The following ZNF808 variants were observed in gnomAD, a reference collection of about 807,000 sequenced individuals.
ZNF808 encodes the protein zinc finger protein 808.
In ZNF808, 5 loss-of-function variants were observed where a neutral mutation model predicts 8.7. The ratio of observed to expected loss-of-function variants is 0.58; its 90% CI spans 0.30 to 1.21. ZNF808 has a LOEUF of 1.21. Ranked by LOEUF, ZNF808 falls within the 50% of genes most tolerant of loss-of-function variation. The pLI is 0.07. For synonymous variants in ZNF808, 380 were observed against 366.0 expected, an observed-to-expected ratio of 1.04 and a Z score of -0.44; for missense variants, 1,103 against 1,098.4, an observed-to-expected ratio of 1.00 and a Z score of -0.06.
intron 3 of ZNF808, among the ~76,000 whole-genome samples, chr19:52,544,622 T>G (rs551692050): frequency 6.6e-6 from 1 of 152,240 alleles, no homozygotes; most frequent in African/African-American, 2.4e-5. Flanking sequence ...CACCACCATG[T>G]CAGGCCTTAT....
chr19:52,561,194 CTCTCTCTCTCTCTCTCTCTATA>C (rs1302077864), downstream of ZNF808, among the ~76,000 whole-genome samples: 7,370 of 68,658 alleles, frequency 0.11, 400 homozygotes, highest in Admixed American at 0.15. Context: ...CTCTCTCTCT[CTCTCTCTCTCTCTCTCTCTATA>C]TATATATATA....
At chr19:52,535,397 C>T (rs1431297931) in intron 2 of ZNF808, among the ~76,000 whole-genome samples, 1 of 151,480 alleles carries the variant, frequency 6.6e-6, no homozygotes, top group Non-Finnish European at 1.5e-5. Context: ...AGGGAGGGAG[C>T]CCTGCGGGAG....
intron 2 of ZNF808, among the ~76,000 whole-genome samples, chr19:52,533,636 C>A (rs1397864223): frequency 6.6e-6 from 1 of 151,662 alleles, no homozygotes; most frequent in Admixed American, 6.6e-5. Flanking sequence ...GCGGGTCAAT[C>A]CCGAGGTCAG....
In ZNF808 at chr19:52,555,072, G is replaced by C. The variant is rs1161025804; in HGVS notation, c.2156G>C (p.Arg719Thr). The C allele has an allele frequency of 6.2e-7, 1 of 1,613,622 alleles. No individual in the cohort carries two copies. The highest frequency in any genetic ancestry group is 2.2e-5 in the East Asian group (1 of 44,868). The change falls in exon 5 of 5, where the codon AGG (arginine) becomes ACG (threonine). Residue 719 changes from arginine to threonine, a missense_variant. Arg to Thr is a moderately conservative substitution (Grantham distance 71). Transcript: ENST00000359798. ...CNECSKTFSN[R>T]SSLVCHRRIH... Reference sequence around the variant, plus strand: ...GAGTGCAGCAAGACCTTCAGTAACAGGTCATCCCTTGTATGCCATCGTAGA... The same window carrying C: ...GAGTGCAGCAAGACCTTCAGTAACACGTCATCCCTTGTATGCCATCGTAGA...
At chr19:52,565,775 C>G (rs567362167), downstream of ZNF808, among the ~76,000 whole-genome samples, 3 of 152,124 alleles carry the variant, frequency 2.0e-5, no homozygotes, top group African/African-American at 7.2e-5. Context: ...CCTGGAAGCC[C>G]GCAATTCCAG....
At chr19:52,533,739 C>A (rs2059580439) in intron 2 of ZNF808, among the ~76,000 whole-genome samples, 1 of 148,742 alleles carries the variant, frequency 6.7e-6, no homozygotes, top group Non-Finnish European at 1.5e-5. Flanking sequence ...GCCTGTAGTC[C>A]CAGCTACTCA....
chr19:52,553,944 A>C lies in ZNF808; in HGVS notation c.1028A>C (p.Tyr343Ser). 1.9e-6 allele frequency: 3 copies of C among 1,614,190 alleles called. No homozygotes were observed. In the South Asian group the frequency reaches 3.3e-5, roughly 18 times the overall value. ...HKAIHTGEKP[Y>S]KCNECGKAFN... Reference sequence around the variant, plus strand: ...GCAATTCATACTGGAGAGAAACCTTACAAGTGTAATGAATGTGGCAAGGCT... The same window carrying C: ...GCAATTCATACTGGAGAGAAACCTTCCAAGTGTAATGAATGTGGCAAGGCT... The change falls in exon 5 of 5, where the codon TAC becomes TCC. Residue 343 changes from tyrosine (Y) to serine (S), a missense_variant. Tyr to Ser is a moderately radical substitution (Grantham distance 144). Coordinates refer to ENST00000359798, the MANE Select transcript of ZNF808 (RefSeq NM_001039886.4).
At chr19:52,562,479 G>T (rs563868067) in intron 3 of ZNF808, among the ~76,000 whole-genome samples, 2 of 152,190 alleles carry the variant, frequency 1.3e-5, no homozygotes, top group Non-Finnish European at 1.5e-5. Flanking sequence ...GGCCCCATCT[G>T]CAGGAACATC....
intron 2 of ZNF808, among the ~76,000 whole-genome samples, chr19:52,539,556 T>G (rs2059649593): frequency 7.1e-6 from 1 of 140,118 alleles, no homozygotes; most frequent in Non-Finnish European, 1.5e-5. Flanking sequence ...TGGTTTTTTT[T>G]TTTTTTTTTT....
intron 4 of ZNF808, among the ~76,000 whole-genome samples, chr19:52,549,682 T>C (rs1440873856): frequency 2.0e-5 from 3 of 151,912 alleles, no homozygotes. Flanking sequence ...TACATGCCCA[T>C]TACTTCCTGC....
At position 52,555,992 on chromosome 19, in the gene ZNF808, G is replaced by A. The variant is rs755495805; in HGVS notation, c.*364G>A. ...ATCAGTGTGGCAAGGTCTTCAGTCC[G>A]AGGTCACTCCTTGCAGAACATGAGA... On this transcript the variant is annotated 3_prime_UTR_variant, in exon 5 of 5. Coordinates refer to ENST00000359798, the MANE Select transcript of ZNF808 (RefSeq NM_001039886.4). 36 of 611,076 alleles carry A rather than the reference G, an allele frequency of 5.9e-5. No individual in the cohort carries two copies. Among genetic ancestry groups the A allele is most frequent in the Admixed American group, 2.2e-4 (11 of 51,002 alleles). The allele number at this position is 611,076 out of a possible 1,614,324, so 37.9% of individuals were successfully genotyped here.
In ZNF808 at chr19:52,543,337, C is replaced by G; in HGVS notation, c.53C>G (p.Ala18Gly). The G allele has an allele frequency of 3.1e-6, 5 of 1,613,234 alleles. No homozygotes were observed. The highest frequency in any genetic ancestry group is 4.2e-6 in the Non-Finnish European group (5 of 1,179,784). Reference protein sequence around the residue: ...QKRKGKESGMALPQGRLTFRD... With the variant: ...QKRKGKESGMGLPQGRLTFRD... The stretch of plus-strand genomic sequence containing the variant: ...AGGAAAGGAAAGGAGTCAGGCATGG[C>G]TCTTCCTCAGGTGAAGTGATATTCC... Residue 18 changes from alanine to glycine, a missense_variant, in exon 3 of 5, where the codon GCT (alanine) becomes GGT (glycine). Transcript: ENST00000359798.
rs776404973 is a variant in ZNF808, at chr19:52,553,387, A to G, written c.471A>G (p.Gly157=). 1 of 1,614,192 alleles carries G rather than the reference A, an allele frequency of 6.2e-7. No homozygotes were observed. Among genetic ancestry groups the G allele is most frequent in the South Asian group, 1.1e-5 (1 of 91,088 alleles). The change falls in exon 5 of 5, where the codon GGA becomes GGG. Residue 157 remains glycine, a synonymous_variant. Coordinates refer to ENST00000359798, the MANE Select transcript of ZNF808 (RefSeq NM_001039886.4). The stretch of plus-strand genomic sequence containing the variant: ...ACAAGCCTATTAAAGATCAGCTTGG[A>G]TCAAGCTTTTATTCACATCTGCCTG... ...AGNKPIKDQL[G]SSFYSHLPEL... is the part of the protein sequence containing the mutation.
exon 4 of ZNF808, chr19:52,564,429 A>C: frequency 7.0e-6 from 2 of 287,740 alleles, no homozygotes; most frequent in Non-Finnish European, 1.3e-5. Flanking sequence ...ATTTCAAAAA[A>C]AAAATTTTAA....
downstream of ZNF808, among the ~76,000 whole-genome samples, chr19:52,559,999 G>A (rs985889135): frequency 6.6e-6 from 1 of 152,170 alleles, no homozygotes; most frequent in Admixed American, 6.6e-5. Context: ...TGTTATGATT[G>A]TAAGTATTTT....
rs144893399 is a variant in ZNF808, at chr19:52,549,678, C to T, written c.190+2040C>T. On this transcript the variant is annotated intron_variant, in intron 4 of 4. Coordinates refer to ENST00000359798, the MANE Select transcript of ZNF808 (RefSeq NM_001039886.4). Reference sequence around the variant, plus strand: ...CATGCACAAAGTTTACTCCTACATGCCCATTACTTCCTGCTCTCCACCCTT... The same window carrying T: ...CATGCACAAAGTTTACTCCTACATGTCCATTACTTCCTGCTCTCCACCCTT... Among the ~76,000 whole-genome samples the T allele has an allele frequency of 5.7e-4, 86 of 152,006 alleles. 1 individual carries two copies. Among genetic ancestry groups the T allele is most frequent in the African/African-American group, 2.0e-3 (83 of 41,330 alleles).
intron 2 of ZNF808, among the ~76,000 whole-genome samples, chr19:52,540,429 A>G (rs1265422211): frequency 6.6e-6 from 1 of 152,162 alleles, no homozygotes; most frequent in African/African-American, 2.4e-5. Context: ...TTGAGTTTAC[A>G]TTGAGGTCTG....
intron 2 of ZNF808, among the ~76,000 whole-genome samples, chr19:52,534,960 C>T (rs1420250512): frequency 1.3e-5 from 2 of 151,636 alleles, no homozygotes; most frequent in Admixed American, 1.3e-4. Context: ...GCTGGGACAA[C>T]TAACTGGATA....
intron 3 of ZNF808, among the ~76,000 whole-genome samples, chr19:52,544,820 G>C (rs1028900615): frequency 3.9e-5 from 6 of 152,110 alleles, no homozygotes; most frequent in African/African-American, 1.4e-4. Context: ...GTGTCGCTCT[G>C]TTGCCCATGT....
Sources: gnomAD v4.1 joint callset for allele counts (sites outside exome capture counted in the v4.1 genomes callset) on GRCh38, gnomAD v4.1.1 for gene constraint, MANE v1.5 for transcripts, NCBI Gene and HGNC (gene_info 2026-07-23, HGNC 2026-07-21) for gene names.